Variants in PTPN9 observed in about 807,000 individuals in gnomAD.
The protein encoded by PTPN9 is tyrosine-protein phosphatase non-receptor type 9.
In PTPN9, 26 loss-of-function variants were observed where a neutral mutation model predicts 69.8. The observed-to-expected ratio is 0.37, with a 90% confidence interval of 0.27 to 0.52. PTPN9 has a LOEUF of 0.52. Ranked by LOEUF, PTPN9 falls within the 20% of genes least tolerant of loss-of-function variation. The pLI is 0.91. For missense variants in PTPN9, 549 were observed against 740.3 expected (o/e 0.74, Z 3.00); for synonymous variants, 274 against 272.5 (o/e 1.01, Z -0.05).
chr15:75,479,286 G>A (rs886404186), intron 9 of PTPN9, among the ~76,000 whole-genome samples: 4 of 152,012 alleles, frequency 2.6e-5, no homozygotes, highest in East Asian at 1.9e-4. Flanking sequence ...TAGCCTGGGC[G>A]ACACAGCAAG....
chr15:75,519,233 C>T (rs913245456), intron 4 of PTPN9, among the ~76,000 whole-genome samples: 6 of 152,148 alleles, frequency 3.9e-5, no homozygotes, highest in South Asian at 2.1e-4. Flanking sequence ...CTCAGCCTCC[C>T]GAGTAGCTAG....
chr15:75,555,835 G>A (rs2075074670), intron 1 of PTPN9, among the ~76,000 whole-genome samples: 1 of 151,594 alleles, frequency 6.6e-6, no homozygotes, highest in African/African-American at 2.4e-5. Flanking sequence ...AGCTCCCAAG[G>A]GATGCTGATG....
At chr15:75,575,181 G>A (rs1327637067) in intron 1 of PTPN9, among the ~76,000 whole-genome samples, 1 of 66,052 alleles carries the variant, frequency 1.5e-5, no homozygotes, top group Non-Finnish European at 2.6e-5. Flanking sequence ...CACTGTGTTA[G>A]CCAGGATGGT....
intron 9 of PTPN9, among the ~76,000 whole-genome samples, chr15:75,477,766 T>C (rs1339920040): frequency 6.6e-6 from 1 of 150,720 alleles, no homozygotes; most frequent in Admixed American, 6.6e-5. Flanking sequence ...AAAAAAAATC[T>C]CCAATTGTCT....
chr15:75,532,415 G>T (rs946748856), intron 1 of PTPN9, among the ~76,000 whole-genome samples: 1 of 151,430 alleles, frequency 6.6e-6, no homozygotes, highest in African/African-American at 2.4e-5. Context: ...AAAAAAAAAA[G>T]ATAACTTTTC....
At chr15:75,554,957 G>A (rs2075070976) in intron 1 of PTPN9, among the ~76,000 whole-genome samples, 1 of 152,096 alleles carries the variant, frequency 6.6e-6, no homozygotes, top group Non-Finnish European at 1.5e-5. Flanking sequence ...GAACAGCCTG[G>A]GTCTTGTTTC....
At chr15:75,545,763 A>G (rs1300394971) in intron 1 of PTPN9, among the ~76,000 whole-genome samples, 2 of 152,210 alleles carry the variant, frequency 1.3e-5, no homozygotes, top group Non-Finnish European at 2.9e-5. Context: ...AGCCTGGCCA[A>G]CATGGCGAAA....
rs1567506929 is a variant in PTPN9, at chr15:75,530,694, A to ATATATTAT, written c.64-3434_64-3433insATAATATA. Among the ~76,000 whole-genome samples, 2 of 40,050 alleles carry ATATATTAT rather than the reference A, an allele frequency of 5.0e-5. 1 individual carries two copies. The highest frequency in any genetic ancestry group is 2.6e-4 in the African/African-American group (2 of 7,600). 26.3% of individuals were successfully genotyped at this position (40,050 alleles called of 152,430 possible). A position where few individuals can be genotyped will look rare whatever the true frequency, so the allele number is the denominator to read the frequency against. ...ATTATATATATTATTATATTATAATATATATAATATATATTATTATATAAT... is the reference window on the plus strand; with the variant it reads ...ATTATATATATTATTATATTATAATATATATTATTATATAATATATATTATTATATAAT... On this transcript the variant is annotated intron_variant, in intron 1 of 12. Transcript: ENST00000618819.
chr15:75,486,930 G>A (rs988421635), intron 8 of PTPN9, among the ~76,000 whole-genome samples: 6 of 151,632 alleles, frequency 4.0e-5, no homozygotes, highest in Non-Finnish European at 7.4e-5. Flanking sequence ...GACTACAGGC[G>A]CCCACCACCA....
intron 1 of PTPN9, among the ~76,000 whole-genome samples, chr15:75,535,443 A>C (rs1325397244): frequency 6.6e-6 from 1 of 152,200 alleles, no homozygotes; most frequent in Non-Finnish European, 1.5e-5. Context: ...CCAGAGATTA[A>C]CAATGCCATC....
intron 1 of PTPN9, among the ~76,000 whole-genome samples, chr15:75,560,959 C>T (rs141316543): frequency 9.0e-4 from 136 of 151,530 alleles, no homozygotes; most frequent in African/African-American, 3.2e-3. Flanking sequence ...TCTGAGGTTG[C>T]AGTGAGCTGA....
intron 1 of PTPN9, among the ~76,000 whole-genome samples, chr15:75,536,729 T>C (rs2074983874): frequency 2.0e-5 from 3 of 152,062 alleles, no homozygotes; most frequent in African/African-American, 7.2e-5. Context: ...CCTATAAACA[T>C]AAAAGATTCA....
At chr15:75,518,013 T>C (rs938933819) in intron 4 of PTPN9, among the ~76,000 whole-genome samples, 14 of 152,180 alleles carry the variant, frequency 9.2e-5, no homozygotes, top group African/African-American at 3.1e-4. Context: ...GATAGTAAAT[T>C]TGTCTCTTAT....
rs1434099559 is a variant in PTPN9 at position 75,467,804 on chromosome 15, G to C, written c.*965C>G. 6.6e-6 allele frequency: 1 copy of C among 152,636 alleles called. No individual in the cohort carries two copies. The highest frequency in any genetic ancestry group is 1.9e-4 in the East Asian group (1 of 5,200). The allele number at this position is 152,636 out of a possible 1,614,324, so 9.5% of individuals were successfully genotyped here. ...ATCCCTGGGATAGTGAAAGCAAAGA[G>C]AGAGTATGGAATCACAGTGGAGGTC... On this transcript the variant is annotated 3_prime_UTR_variant, in exon 13 of 13. Coordinates refer to ENST00000618819, the MANE Select transcript of PTPN9 (RefSeq NM_002833.4).
rs563599903 is a variant in PTPN9 at position 75,488,173 on chromosome 15, C to T, written c.1062+2035G>A. On this transcript the variant is annotated intron_variant, in intron 8 of 12. Coordinates refer to ENST00000618819, the MANE Select transcript of PTPN9 (RefSeq NM_002833.4). ...GCATGCACCTGTAATCCCAGCTACT[C>T]GGGAGGCTGAGAAAGGATAATTGCT... 3.9e-5 allele frequency among the ~76,000 whole-genome samples: 6 copies of T among 152,016 alleles called. No individual in the cohort carries two copies. In the East Asian group the frequency reaches 1.2e-3, roughly 29 times the overall value.
intron 5 of PTPN9, among the ~76,000 whole-genome samples, chr15:75,510,931 C>T (rs189063400): frequency 3.8e-4 from 58 of 152,226 alleles, no homozygotes; most frequent in Admixed American, 7.9e-4. Context: ...TATGAATTTG[C>T]CTATTTTAGG....
chr15:75,512,581 G>A (rs1324374482), intron 5 of PTPN9, among the ~76,000 whole-genome samples: 1 of 152,096 alleles, frequency 6.6e-6, no homozygotes, highest in East Asian at 1.9e-4. Context: ...TATAATCTCA[G>A]AAATACAACT....
At chr15:75,541,761 C>T (rs920618063) in intron 1 of PTPN9, among the ~76,000 whole-genome samples, 8 of 151,576 alleles carry the variant, frequency 5.3e-5, no homozygotes, top group African/African-American at 1.7e-4. Flanking sequence ...GGTTGGAGTG[C>T]AGTAGTGCGA....
At chr15:75,506,641 C>G (rs1294850619) in intron 6 of PTPN9, among the ~76,000 whole-genome samples, 1 of 152,070 alleles carries the variant, frequency 6.6e-6, no homozygotes, top group African/African-American at 2.4e-5. Flanking sequence ...CCTCAAGTAG[C>G]TGGGAATACA....
Sources: gnomAD v4.1 joint callset for allele counts (sites outside exome capture counted in the v4.1 genomes callset) on GRCh38, gnomAD v4.1.1 for gene constraint, MANE v1.5 for transcripts, NCBI Gene and HGNC (gene_info 2026-07-23, HGNC 2026-07-21) for gene names.